The following GPC6 variants were observed in gnomAD, a reference collection of about 807,000 sequenced individuals.
GPC6 encodes glypican 6.
A neutral mutation model predicts 55.2 loss-of-function variants in GPC6; 14 were observed. The observed-to-expected ratio is 0.25, with a 90% CI of 0.17 to 0.40. The LOEUF is 0.40. GPC6 is among the 10% of genes least tolerant of loss of function. The probability of loss-of-function intolerance (pLI) is 1.00; values close to 1 mark genes in which losing one functional copy is unlikely to be tolerated. For synonymous variants in GPC6, 278 were observed against 259.6 expected, an observed-to-expected ratio of 1.07 and a Z score of -0.68; for missense variants, 641 against 708.5, an observed-to-expected ratio of 0.90 and a Z score of 1.08.
At chr13:94,213,174 C>T (rs2138991570) in intron 4 of GPC6, among the ~76,000 whole-genome samples, 1 of 152,124 alleles carries the variant, frequency 6.6e-6, no homozygotes, top group South Asian at 2.1e-4. Flanking sequence ...AACAAACAAA[C>T]AAACAAAAAA....
At chr13:93,363,811 T>C (rs1485459093) in intron 1 of GPC6, among the ~76,000 whole-genome samples, 1 of 151,894 alleles carries the variant, frequency 6.6e-6, no homozygotes, top group Non-Finnish European at 1.5e-5. Flanking sequence ...TTCCTGACTT[T>C]TTAATGATTG....
At chr13:93,710,782 GT>G in intron 2 of GPC6, among the ~76,000 whole-genome samples, 1 of 150,636 alleles carries the variant, frequency 6.6e-6, no homozygotes, top group East Asian at 2.0e-4. Flanking sequence ...ATAATTTTAA[GT>G]AATAGCCTCT....
At chr13:93,637,580 A>G (rs781559510) in intron 2 of GPC6, among the ~76,000 whole-genome samples, 2 of 152,178 alleles carry the variant, frequency 1.3e-5, no homozygotes, top group Non-Finnish European at 2.9e-5. Context: ...AGTGTCCCAA[A>G]CGCTACAGCC....
intron 2 of GPC6, among the ~76,000 whole-genome samples, chr13:93,793,862 A>C (rs554296928): frequency 2.4e-4 from 36 of 152,300 alleles, no homozygotes; most frequent in South Asian, 1.5e-3. Flanking sequence ...TCTGCTAGGA[A>C]ATTTTCAACA....
intron 4 of GPC6, among the ~76,000 whole-genome samples, chr13:94,139,960 C>T (rs1233009213): frequency 1.2e-4 from 19 of 152,010 alleles, no homozygotes; most frequent in Admixed American, 1.2e-3. Context: ...TGACCCCTTC[C>T]CAGAACCCTC....
At chr13:93,340,099 G>C (rs888052623) in intron 1 of GPC6, among the ~76,000 whole-genome samples, 29 of 133,560 alleles carry the variant, frequency 2.2e-4, no homozygotes, top group Non-Finnish European at 4.0e-4. Flanking sequence ...GCAGTGGCGC[G>C]ATCTCGGCTC....
intron 2 of GPC6, among the ~76,000 whole-genome samples, chr13:93,729,160 TTAAATA>T (rs1273605365): frequency 6.6e-6 from 1 of 152,170 alleles, no homozygotes; most frequent in African/African-American, 2.4e-5. Context: ...TCTAATAGTC[TTAAATA>T]GAGTCCTGCT....
At chr13:93,238,564 A>C (rs1451885777) in intron 1 of GPC6, among the ~76,000 whole-genome samples, 2 of 151,866 alleles carry the variant, frequency 1.3e-5, no homozygotes, top group East Asian at 1.9e-4. Context: ...AATGCCTTTT[A>C]TTTCTTTCTT....
chr13:93,339,050 A>G (rs1446280239), intron 1 of GPC6, among the ~76,000 whole-genome samples: 1 of 152,152 alleles, frequency 6.6e-6, no homozygotes, highest in Non-Finnish European at 1.5e-5. Context: ...GTTTCCAGTG[A>G]TGAAAGGCTT....
intron 4 of GPC6, among the ~76,000 whole-genome samples, chr13:94,156,799 C>T (rs1887961317): frequency 6.6e-6 from 1 of 152,190 alleles, no homozygotes; most frequent in South Asian, 2.1e-4. Context: ...ACATAGTTCT[C>T]ATTTAAGCTA....
intron 3 of GPC6, among the ~76,000 whole-genome samples, chr13:93,912,769 G>A (rs909434139): frequency 3.3e-5 from 5 of 151,978 alleles, no homozygotes; most frequent in African/African-American, 9.7e-5. Flanking sequence ...AACAAAACAA[G>A]ACAAATTCTA....
chr13:93,364,807 A>G (rs72639042), intron 1 of GPC6, among the ~76,000 whole-genome samples: 1 of 151,954 alleles, frequency 6.6e-6, no homozygotes, highest in Non-Finnish European at 1.5e-5. Context: ...CTAATTGTAT[A>G]TGATTGAACA....
intron 1 of GPC6, among the ~76,000 whole-genome samples, chr13:93,491,856 C>T (rs9561368): frequency 0.17 from 17,476 of 102,918 alleles, 3,854 homozygotes; most frequent in East Asian, 0.65. Flanking sequence ...TTTCTGAGGG[C>T]TCTGTTCTGC....
At chr13:94,318,748 C>T (rs1484938966) in intron 6 of GPC6, among the ~76,000 whole-genome samples, 1 of 152,058 alleles carries the variant, frequency 6.6e-6, no homozygotes, top group Non-Finnish European at 1.5e-5. Context: ...ATTCTAGAAA[C>T]AAATGTTTAT....
intron 4 of GPC6, among the ~76,000 whole-genome samples, chr13:94,040,020 C>A (rs1883475233): frequency 6.6e-6 from 1 of 151,748 alleles, no homozygotes; most frequent in African/African-American, 2.4e-5. Context: ...ACTCAGAAAC[C>A]CTTTAATAAT....
chr13:94,256,455 G>T (rs1049078559), intron 4 of GPC6, among the ~76,000 whole-genome samples: 10 of 152,260 alleles, frequency 6.6e-5, no homozygotes, highest in African/African-American at 1.9e-4. Flanking sequence ...GCTACAAGAT[G>T]CCAGGAACAG....
chr13:93,364,391 G>A (rs1426883814), intron 1 of GPC6, among the ~76,000 whole-genome samples: 1 of 152,008 alleles, frequency 6.6e-6, no homozygotes. Context: ...AATGATGCAC[G>A]GTGAGTCAAC....
chr13:93,316,444 TTAAG>T (rs1265990119), intron 1 of GPC6, among the ~76,000 whole-genome samples: 10 of 152,060 alleles, frequency 6.6e-5, no homozygotes, highest in African/African-American at 2.4e-4. Flanking sequence ...GAGCTCATAA[TTAAG>T]TGTTACAGGA....
chr13:93,662,729 T>C (rs561077274), intron 2 of GPC6, among the ~76,000 whole-genome samples: 1 of 152,234 alleles, frequency 6.6e-6, no homozygotes, highest in South Asian at 2.1e-4. Context: ...CCACCAAGCA[T>C]GTGTCTCCAA....
Sources: allele counts gnomAD v4.1 joint callset (sites outside exome capture counted in the v4.1 genomes callset), GRCh38; gene constraint gnomAD v4.1.1; transcripts MANE v1.5; gene names NCBI Gene and HGNC (gene_info 2026-07-23, HGNC 2026-07-21).